SPAG16: variants seen among roughly 807,000 people sequenced by gnomAD.
SPAG16 encodes the protein sperm-associated antigen 16 protein.
SPAG16 carries 86 observed loss-of-function variants against 80.4 expected under a neutral mutation model. The ratio of observed to expected loss-of-function variants is 1.07; its 90% confidence interval spans 0.90 to 1.28. The LOEUF (loss-of-function observed/expected upper bound fraction) is 1.28, where lower values mean the gene tolerates loss of function less well. SPAG16 is among the 50% of genes most tolerant of loss of function. The pLI, the probability that SPAG16 is intolerant of heterozygous loss-of-function variation, is 0.00. For missense variants in SPAG16, 870 were observed against 765.3 expected (o/e 1.14, Z -1.61); for synonymous variants, 294 against 265.9 (o/e 1.11, Z -1.03).
chr2:213,404,658 C>T (rs1245047809), intron 9 of SPAG16, among the ~76,000 whole-genome samples: 1 of 152,194 alleles, frequency 6.6e-6, no homozygotes, highest in African/African-American at 2.4e-5. Context: ...GCAAAGACTT[C>T]ATGTCTAAAA....
intron 12 of SPAG16, among the ~76,000 whole-genome samples, chr2:213,952,715 G>A (rs1439097776): frequency 6.6e-6 from 1 of 152,016 alleles, no homozygotes; most frequent in Non-Finnish European, 1.5e-5. Flanking sequence ...TCTAACCGTG[G>A]ATGGAGGGCT....
intron 15 of SPAG16, among the ~76,000 whole-genome samples, chr2:214,202,568 A>G (rs1196312547): frequency 2.0e-5 from 3 of 152,306 alleles, no homozygotes; most frequent in East Asian, 3.9e-4. Context: ...ATTATCCTCA[A>G]GAAAGAAAGA....
At chr2:213,876,932 T>TA (rs1284083806) in intron 11 of SPAG16, among the ~76,000 whole-genome samples, 2 of 152,198 alleles carry the variant, frequency 1.3e-5, no homozygotes, top group Non-Finnish European at 2.9e-5. Flanking sequence ...TCAACAATGT[T>TA]AAAATGCATG....
chr2:213,467,980 A>C (rs2072799378), intron 9 of SPAG16, among the ~76,000 whole-genome samples: 1 of 152,066 alleles, frequency 6.6e-6, no homozygotes, highest in Non-Finnish European at 1.5e-5. Context: ...CTCTCTCTTC[A>C]GTCTCCTCCT....
At chr2:214,064,056 A>G (rs1166052134) in intron 13 of SPAG16, among the ~76,000 whole-genome samples, 1 of 152,128 alleles carries the variant, frequency 6.6e-6, no homozygotes, top group Non-Finnish European at 1.5e-5. Flanking sequence ...ATTTTGAGAG[A>G]TATTCAGGAT....
intron 9 of SPAG16, among the ~76,000 whole-genome samples, chr2:213,480,049 T>G (rs1252352524): frequency 6.6e-6 from 1 of 152,158 alleles, no homozygotes; most frequent in Non-Finnish European, 1.5e-5. Context: ...TTACTTAAAA[T>G]TCAAAGATAA....
At chr2:214,035,829 G>A (rs1167867621) in intron 13 of SPAG16, among the ~76,000 whole-genome samples, 1 of 152,156 alleles carries the variant, frequency 6.6e-6, no homozygotes, top group African/African-American at 2.4e-5. Context: ...CAGGGAGCAC[G>A]AAGTTCCTGC....
Position 213,461,349 on chromosome 2 carries a change from T to A in SPAG16, c.943-28614T>A, listed in dbSNP as rs138788774. ...ATGTTAGAGAGATAGGCTTGAGTTA[T>A]CCCTATGGATGATCTTATAGAGTAA... On this transcript the variant is annotated intron_variant, in intron 9 of 15. Coordinates refer to ENST00000331683, the MANE Select transcript of SPAG16 (RefSeq NM_024532.5). Among the ~76,000 whole-genome samples the A allele has an allele frequency of 2.2e-4, 33 of 152,330 alleles. No individual in the cohort carries two copies. The East Asian group carries it at 6.2e-3, about 28-fold the overall frequency.
chr2:214,005,696 A>G (rs1301325676), intron 12 of SPAG16, among the ~76,000 whole-genome samples: 6 of 152,192 alleles, frequency 3.9e-5, no homozygotes, highest in Non-Finnish European at 7.3e-5. Flanking sequence ...GAATTATTTT[A>G]TATTATTTTT....
chr2:213,546,284 AT>A (rs2125929239), intron 10 of SPAG16, among the ~76,000 whole-genome samples: 1 of 151,974 alleles, frequency 6.6e-6, no homozygotes, highest in African/African-American at 2.4e-5. Flanking sequence ...TTTCCTGTTC[AT>A]TATATTGCAG....
chr2:214,403,392 A>T (rs1701823713), intron 15 of SPAG16, among the ~76,000 whole-genome samples: 1 of 149,448 alleles, frequency 6.7e-6, no homozygotes. Context: ...TACATATAAA[A>T]TATATGTTAA....
At chr2:213,390,459 C>T (rs2067682248) in intron 9 of SPAG16, among the ~76,000 whole-genome samples, 1 of 151,990 alleles carries the variant, frequency 6.6e-6, no homozygotes, top group African/African-American at 2.4e-5. Context: ...TGGCTAGGAA[C>T]AGAAGGCATG....
intron 11 of SPAG16, among the ~76,000 whole-genome samples, chr2:213,916,524 G>A (rs1344881665): frequency 6.6e-6 from 1 of 152,172 alleles, no homozygotes; most frequent in East Asian, 1.9e-4. Flanking sequence ...TAGCCTTGTA[G>A]TATATTTTGA....
In SPAG16 at chr2:214,116,087, C is replaced by T. The variant is rs868601899; in HGVS notation, c.1593+7826C>T. On this transcript the variant is annotated intron_variant, in intron 14 of 15. Transcript: ENST00000331683. ...GCTGATTATGCTCCCAGGTTCAAGC[C>T]TAGGAATAACCTCATTTCCCAAAGG... 6.6e-5 allele frequency among the ~76,000 whole-genome samples: 10 copies of T among 152,220 alleles called. No individual in the cohort carries two copies. In the South Asian group the frequency reaches 2.1e-3, roughly 32 times the overall value.
intron 9 of SPAG16, among the ~76,000 whole-genome samples, chr2:213,486,740 A>C (rs1380137746): frequency 6.6e-6 from 1 of 152,130 alleles, no homozygotes; most frequent in East Asian, 1.9e-4. Flanking sequence ...AGTCTGCTTC[A>C]ATCAATATCC....
At chr2:213,490,761 T>C (rs1437254275) in intron 10 of SPAG16, among the ~76,000 whole-genome samples, 1 of 152,304 alleles carries the variant, frequency 6.6e-6, no homozygotes, top group East Asian at 1.9e-4. Flanking sequence ...GTTTAGTTTA[T>C]ATAAGTAACA....
At chr2:213,953,495 T>A (rs1469468977) in intron 12 of SPAG16, among the ~76,000 whole-genome samples, 3 of 151,888 alleles carry the variant, frequency 2.0e-5, no homozygotes, top group African/African-American at 7.2e-5. Flanking sequence ...CCAGAATACT[T>A]AGAAAAATTA....
chr2:213,419,059 G>GAAACCTGAAACATCGGCATTATCC (rs772509297), intron 9 of SPAG16, among the ~76,000 whole-genome samples: 32,942 of 151,914 alleles, frequency 0.22, 4,398 homozygotes, highest in Non-Finnish European at 0.31. Context: ...AGAGTGATGA[G>GAAACCTGAAACATCGGCATTATCC]GACTGGGAAT....
rs543050484 is a variant in SPAG16, at chr2:214,136,273, T to C, written c.1594-12867T>C. 6.6e-5 allele frequency among the ~76,000 whole-genome samples: 10 copies of C among 152,266 alleles called. No individual in the cohort carries two copies. The East Asian group carries it at 1.9e-3, about 29-fold the overall frequency. On this transcript the variant is annotated intron_variant, in intron 14 of 15. Coordinates refer to ENST00000331683, the MANE Select transcript of SPAG16 (RefSeq NM_024532.5). Reference sequence around the variant, plus strand: ...AACATGAGACTTAGTGGGGCCACACTAACCATATCCAAACCATAGCATCAG... The same window carrying C: ...AACATGAGACTTAGTGGGGCCACACCAACCATATCCAAACCATAGCATCAG...
Sources: gnomAD v4.1 joint callset for allele counts (sites outside exome capture counted in the v4.1 genomes callset) on GRCh38, gnomAD v4.1.1 for gene constraint, MANE v1.5 for transcripts, NCBI Gene and HGNC (gene_info 2026-07-23, HGNC 2026-07-21) for gene names.